MEP1A: variants seen among roughly 807,000 people sequenced by gnomAD.
MEP1A encodes N-benzoyl-L-tyrosyl-P-amino-benzoic acid hydrolase subunit alpha.
MEP1A carries 68 observed loss-of-function variants against 84.5 expected under a neutral mutation model. That is an observed-to-expected ratio of 0.80 (90% CI 0.66 to 0.98). The LOEUF (loss-of-function observed/expected upper bound fraction) is 0.98. Among genes scored for constraint, MEP1A ranks in the 50% least tolerant of loss-of-function variants. The pLI, the probability that MEP1A is intolerant of heterozygous loss-of-function variation, is 0.00. For missense variants in MEP1A, 887 were observed against 919.9 expected (o/e 0.96, Z 0.46); for synonymous variants, 337 against 336.8 (o/e 1.00, Z -0.01).
chr6:46,800,846 C>A (rs1263227777), intron 5 of MEP1A, among the ~76,000 whole-genome samples: 6 of 152,076 alleles, frequency 3.9e-5, no homozygotes, highest in Non-Finnish European at 7.4e-5. Flanking sequence ...CTGATTTTCC[C>A]CTATGTATTA....
intron 6 of MEP1A, among the ~76,000 whole-genome samples, chr6:46,812,269 A>G (rs758612599): frequency 1.3e-5 from 2 of 152,072 alleles, no homozygotes; most frequent in Non-Finnish European, 2.9e-5. Context: ...AAAGGTGTTC[A>G]AAGTAGCCTT....
At chr6:46,845,523 T>C in the MEP1A span, among the ~76,000 whole-genome samples, 1 of 152,358 alleles carries the variant, frequency 6.6e-6, no homozygotes, top group East Asian at 1.9e-4. Flanking sequence ...TCCTAATGGA[T>C]ATAATTATTT....
At chr6:46,807,569 G>A (rs9689518) in intron 5 of MEP1A, among the ~76,000 whole-genome samples, 3,779 of 16,038 alleles carry the variant, frequency 0.24, 380 homozygotes, top group African/African-American at 0.33. Context: ...AGAAAGAAAG[G>A]AAGGAAGGAA....
chr6:46,842,748 C>T (rs1208919099), downstream of MEP1A, among the ~76,000 whole-genome samples: 2 of 152,122 alleles, frequency 1.3e-5, no homozygotes, highest in Non-Finnish European at 2.9e-5. Context: ...CTTTTAAAAT[C>T]CCTAATAAAA....
At chr6:46,793,849 A>G (rs976663287) in intron 3 of MEP1A, 133 bp downstream of exon 3, 2 of 663,026 alleles carry the variant, frequency 3.0e-6, no homozygotes, top group Non-Finnish European at 4.9e-6. Flanking sequence ...CTTTGTGAGA[A>G]ATTGCATTTT....
chr6:46,823,374 G>A (rs910999783), intron 7 of MEP1A, among the ~76,000 whole-genome samples: 1 of 152,196 alleles, frequency 6.6e-6, no homozygotes, highest in Non-Finnish European at 1.5e-5. Context: ...CACTTTGAGA[G>A]GCCGATGCAG....
chr6:46,808,844 G>A (rs1767423138), intron 5 of MEP1A, among the ~76,000 whole-genome samples: 1 of 152,016 alleles, frequency 6.6e-6, no homozygotes, highest in Non-Finnish European at 1.5e-5. Flanking sequence ...CAGGCATCTG[G>A]CTGGGAAGCA....
chr6:46,819,681 T>C lies in MEP1A; in HGVS notation c.533T>C (p.Ile178Thr), dbSNP rs947145135. ...SRTDRDDYVNIWWDQILSGYQ... is the reference protein window; with the variant it reads ...SRTDRDDYVNTWWDQILSGYQ... ...ACGGACCGGGATGATTATGTGAACA[T>C]CTGGTGGGACCAAATTCTTTCAGGT... is the stretch of plus-strand genomic sequence containing the variant. The change falls in exon 7 of 14, where the codon ATC (isoleucine) becomes ACC (threonine). Residue 178 changes from isoleucine to threonine, a missense_variant. Coordinates refer to ENST00000230588, the MANE Select transcript of MEP1A (RefSeq NM_005588.3). The C allele has an allele frequency of 6.2e-7, 1 of 1,613,780 alleles. No individual in the cohort carries two copies. Among genetic ancestry groups the C allele is most frequent in the African/African-American group, 1.3e-5 (1 of 74,904 alleles).
rs917126627 is a variant in MEP1A, at chr6:46,834,834, G to A, written c.1783+83G>A. 1.3e-5 allele frequency: 14 copies of A among 1,054,038 alleles called. No individual in the cohort carries two copies. In the East Asian group the frequency reaches 1.4e-4, roughly 11 times the overall value. 65.3% of individuals were successfully genotyped at this position (1,054,038 alleles called of 1,614,324 possible). ...TTATCCTGATTTTTAAAGCACACAC[G>A]GAGGGTGGGGATGAGGTTAAAACAA... On this transcript the variant is annotated intron_variant, in intron 12 of 13. Transcript: ENST00000230588.
intron 5 of MEP1A, among the ~76,000 whole-genome samples, chr6:46,802,426 TTC>T (rs1303502346): frequency 1.3e-5 from 2 of 151,974 alleles, no homozygotes; most frequent in African/African-American, 4.8e-5. Context: ...TGATTTTGTA[TTC>T]TGTTACCTTG....
intron 6 of MEP1A, 133 bp downstream of exon 6, chr6:46,809,670 AG>A (rs1767446732): frequency 1.6e-6 from 1 of 612,110 alleles, no homozygotes; most frequent in Non-Finnish European, 2.9e-6. Context: ...CCCACATATG[AG>A]TGAGAACATA....
chr6:46,831,015 A>G (rs1240381136), intron 10 of MEP1A, among the ~76,000 whole-genome samples: 5 of 152,202 alleles, frequency 3.3e-5, no homozygotes, highest in Non-Finnish European at 7.3e-5. Context: ...CATAAAATCA[A>G]TCAAGCAAAC....
chr6:46,815,820 G>GAAAAAAAATGCAAAAAAATGC (rs1554189717), intron 6 of MEP1A, among the ~76,000 whole-genome samples: 4 of 151,618 alleles, frequency 2.6e-5, no homozygotes, highest in Admixed American at 2.6e-4. Flanking sequence ...AGCCTCTTAG[G>GAAAAAAAATGCAAAAAAATGC]AAAAAAAATG....
At chr6:46,817,030 G>T (rs1346140878) in intron 6 of MEP1A, among the ~76,000 whole-genome samples, 1 of 152,174 alleles carries the variant, frequency 6.6e-6, no homozygotes. Flanking sequence ...AAGACTGGTG[G>T]CAAGAGATCA....
intron 5 of MEP1A, 65 bp from the exon 6 acceptor site, chr6:46,809,355 T>C (rs1056054729): frequency 1.0e-6 from 1 of 995,188 alleles, no homozygotes; most frequent in African/African-American, 1.6e-5. Flanking sequence ...TTCTCTAAAC[T>C]ATAAGTTATA....
intron 7 of MEP1A, among the ~76,000 whole-genome samples, chr6:46,820,074 G>C (rs1156609441): frequency 2.6e-5 from 4 of 152,114 alleles, no homozygotes; most frequent in African/African-American, 9.7e-5. Context: ...CCTCTAGAAG[G>C]CTGTTTGAGG....
At chr6:46,810,230 T>C (rs532807026) in intron 6 of MEP1A, among the ~76,000 whole-genome samples, 1 of 152,304 alleles carries the variant, frequency 6.6e-6, no homozygotes, top group East Asian at 1.9e-4. Context: ...ATGTTGAACA[T>C]GTTTTCATAT....
At chr6:46,809,615 G>C (rs979196418) in intron 6 of MEP1A, 78 bp downstream of exon 6, 9 of 870,928 alleles carry the variant, frequency 1.0e-5, no homozygotes, top group African/African-American at 1.7e-5. Context: ...AGTCCCCAAA[G>C]TCCAATGTAT....
intron 5 of MEP1A, among the ~76,000 whole-genome samples, chr6:46,801,489 G>A (rs1767196789): frequency 6.6e-6 from 1 of 151,850 alleles, no homozygotes; most frequent in Admixed American, 6.6e-5. Context: ...ATTATTTGTA[G>A]GATTTTATAT....
Sources: gnomAD v4.1 joint callset for allele counts (sites outside exome capture counted in the v4.1 genomes callset) on GRCh38, gnomAD v4.1.1 for gene constraint, MANE v1.5 for transcripts, NCBI Gene and HGNC (gene_info 2026-07-23, HGNC 2026-07-21) for gene names.